Variants in MTHFD1 observed in about 807,000 individuals in gnomAD.
MTHFD1 encodes the protein methylenetetrahydrofolate dehydrogenase, cyclohydrolase and formyltetrahydrofolate synthetase 1, also known as C-1-tetrahydrofolate synthase, cytoplasmic.
MTHFD1 carries 44 observed loss-of-function variants against 110.3 expected under a neutral mutation model. That is an observed-to-expected ratio of 0.40 (90% confidence interval 0.31 to 0.51). The LOEUF is 0.51. Among genes scored for constraint, MTHFD1 ranks in the 20% least tolerant of loss-of-function variants. The pLI is 0.60. For synonymous variants in MTHFD1, 402 were observed against 428.8 expected (o/e 0.94, Z 0.77); for missense variants, 909 against 1,173.1 (o/e 0.77, Z 3.29).
At chr14:64,400,353 A>G (rs2077886452) in intron 1 of MTHFD1, among the ~76,000 whole-genome samples, 1 of 147,810 alleles carries the variant, frequency 6.8e-6, no homozygotes, top group Non-Finnish European at 1.5e-5. Context: ...GCACCATTGC[A>G]CTCCAGCCTG....
At chr14:64,431,076 CTTTTTTT>C (rs369540665) in intron 13 of MTHFD1, among the ~76,000 whole-genome samples, 1 of 135,354 alleles carries the variant, frequency 7.4e-6, no homozygotes, top group African/African-American at 2.7e-5. Flanking sequence ...TTTTCTTTTT[CTTTTTTT>C]TTTTTTTTTA....
chr14:64,395,327 T>G (rs750525980), intron 1 of MTHFD1, among the ~76,000 whole-genome samples: 193 of 152,352 alleles, frequency 1.3e-3, no homozygotes, highest in Non-Finnish European at 2.1e-3. Context: ...GATGCTTGAC[T>G]TTTTGAAAGA....
intron 8 of MTHFD1, chr14:64,424,391 A>C (rs2078103279): frequency 3.9e-6 from 1 of 256,908 alleles, no homozygotes; most frequent in African/African-American, 2.3e-5. Flanking sequence ...AAATGCTGAC[A>C]GTTGCTGTAG....
chr14:64,430,146 A>C, intron 12 of MTHFD1, 38 bp from the exon 13 acceptor site: 1 of 1,594,926 alleles, frequency 6.3e-7, no homozygotes, highest in Non-Finnish European at 8.6e-7. Flanking sequence ...TTGGAGAAGC[A>C]TGCTTAACTG....
intron 7 of MTHFD1, chr14:64,419,215 A>C (rs570379535): frequency 5.7e-6 from 1 of 175,870 alleles, no homozygotes; most frequent in South Asian, 1.4e-4. Context: ...TTAGCAGTAC[A>C]GGCACTCAGA....
At chr14:64,416,928 T>C (rs556933393) in intron 6 of MTHFD1, among the ~76,000 whole-genome samples, 16 of 152,340 alleles carry the variant, frequency 1.1e-4, no homozygotes, top group Admixed American at 3.3e-4. Context: ...TCTTTACTTC[T>C]AGATGTTCAT....
intron 15 of MTHFD1, among the ~76,000 whole-genome samples, chr14:64,434,354 C>G (rs975952704): frequency 1.3e-5 from 2 of 152,064 alleles, no homozygotes; most frequent in Middle Eastern, 3.2e-3. Context: ...AGTTCGAGAC[C>G]AGCCTGAGCA....
chr14:64,399,672 A>AAG (rs1566554350), intron 1 of MTHFD1, among the ~76,000 whole-genome samples: 4 of 149,898 alleles, frequency 2.7e-5, no homozygotes, highest in Non-Finnish European at 4.4e-5. Flanking sequence ...AAAAAAAAAA[A>AAG]AAAAGAAAAA....
intron 24 of MTHFD1, among the ~76,000 whole-genome samples, chr14:64,453,105 T>C (rs2078402361): frequency 6.6e-6 from 1 of 151,938 alleles, no homozygotes; most frequent in African/African-American, 2.4e-5. Context: ...TAGCGAGAGA[T>C]TTTAAATATG....
intron 12 of MTHFD1, among the ~76,000 whole-genome samples, chr14:64,427,850 C>T (rs962123340): frequency 6.6e-6 from 1 of 152,146 alleles, no homozygotes; most frequent in East Asian, 1.9e-4. Context: ...TAAGAAAAGC[C>T]TACCTTTATT....
intron 16 of MTHFD1, among the ~76,000 whole-genome samples, chr14:64,435,904 T>G (rs2078202790): frequency 6.6e-6 from 1 of 152,234 alleles, no homozygotes; most frequent in Non-Finnish European, 1.5e-5. Context: ...TGCTGGCTAT[T>G]CAGTGTTGAC....
At chr14:64,431,310 C>T (rs1290659147) in intron 13 of MTHFD1, among the ~76,000 whole-genome samples, 1 of 151,986 alleles carries the variant, frequency 6.6e-6, no homozygotes, top group Non-Finnish European at 1.5e-5. Context: ...AAGTGATCCG[C>T]CCGCCTCGGC....
At chr14:64,421,838 G>A (rs1176440345) in intron 8 of MTHFD1, among the ~76,000 whole-genome samples, 1 of 152,032 alleles carries the variant, frequency 6.6e-6, no homozygotes, top group Non-Finnish European at 1.5e-5. Context: ...TGTTAGCCAG[G>A]ATGGTCTCGA....
intron 4 of MTHFD1, 49 bp from the exon 5 acceptor site, chr14:64,415,309 C>T: frequency 6.5e-7 from 1 of 1,548,000 alleles, no homozygotes; most frequent in Non-Finnish European, 8.9e-7. Flanking sequence ...TTTCTTCCTA[C>T]CTTTTGATTT....
Position 64,441,599 on chromosome 14 carries a change from G to A in MTHFD1, c.1884+146G>A, listed in dbSNP as rs904295478. On this transcript the variant is annotated intron_variant, in intron 19 of 27. Coordinates refer to ENST00000652337, the MANE Select transcript of MTHFD1 (RefSeq NM_005956.4). Reference sequence around the variant, plus strand: ...AGGTGGGCAGATCACAAGGTCAGGAGATCGAGACCATCCTGGCTAACATGG... The same window carrying A: ...AGGTGGGCAGATCACAAGGTCAGGAAATCGAGACCATCCTGGCTAACATGG... 1.7e-5 allele frequency: 12 copies of A among 699,812 alleles called. 1 individual carries two copies. Among genetic ancestry groups the A allele is most frequent in the East Asian group, 2.9e-5 (1 of 34,992 alleles). 43.4% of individuals were successfully genotyped at this position (699,812 alleles called of 1,614,324 possible).
chr14:64,408,320 C>T (rs1398250441), intron 2 of MTHFD1, among the ~76,000 whole-genome samples: 1 of 138,620 alleles, frequency 7.2e-6, no homozygotes, highest in African/African-American at 2.6e-5. Flanking sequence ...TGGAGTTTCA[C>T]TCTTGTCGCC....
At chr14:64,454,923 C>T in intron 26 of MTHFD1, 48 bp downstream of exon 26, 2 of 1,594,160 alleles carry the variant, frequency 1.3e-6, no homozygotes, top group East Asian at 4.5e-5. Context: ...CACTTCTCGT[C>T]TGAAGTGTGT....
chr14:64,418,565 A>AT (rs1009219576), intron 7 of MTHFD1, among the ~76,000 whole-genome samples: 2 of 148,188 alleles, frequency 1.3e-5, no homozygotes, highest in East Asian at 2.0e-4. Context: ...TTCTTTATTT[A>AT]TTTTTTTTGA....
At chr14:64,444,804 G>A in intron 22 of MTHFD1, 70 bp downstream of exon 22, 1 of 1,559,548 alleles carries the variant, frequency 6.4e-7, no homozygotes. Context: ...TCTCCACCTG[G>A]CCCATGTGGA....
Sources: gnomAD v4.1 joint callset for allele counts (sites outside exome capture counted in the v4.1 genomes callset) on GRCh38, gnomAD v4.1.1 for gene constraint, MANE v1.5 for transcripts, NCBI Gene and HGNC (gene_info 2026-07-23, HGNC 2026-07-21) for gene names.